The following CDH19 variants were observed in gnomAD, a reference collection of about 807,000 sequenced individuals.
The protein encoded by CDH19 is cadherin 19.
In CDH19, 67 loss-of-function variants were observed where a neutral mutation model predicts 64.2. The ratio of observed to expected loss-of-function variants is 1.04; its 90% confidence interval spans 0.86 to 1.28. CDH19 has a LOEUF of 1.28. Among genes scored for constraint, CDH19 ranks in the 50% most tolerant of loss-of-function variants. The pLI is 0.00. For synonymous variants in CDH19, 346 were observed against 319.3 expected, an observed-to-expected ratio of 1.08 and a Z score of -0.89; for missense variants, 1,030 against 929.0, an observed-to-expected ratio of 1.11 and a Z score of -1.41.
At chr18:66,548,738 G>A (rs1382989690) in intron 5 of CDH19, among the ~76,000 whole-genome samples, 1 of 152,112 alleles carries the variant, frequency 6.6e-6, no homozygotes, top group Non-Finnish European at 1.5e-5. Flanking sequence ...TTTTGAGGTC[G>A]TTAATTGGAA....
At chr18:66,578,508 T>A (rs1396189959) in intron 1 of CDH19, among the ~76,000 whole-genome samples, 3 of 151,858 alleles carry the variant, frequency 2.0e-5, no homozygotes, top group Non-Finnish European at 4.4e-5. Context: ...CAACTGTACC[T>A]CTCATACACT....
chr18:66,560,178 C>T (rs1235688631), intron 3 of CDH19, among the ~76,000 whole-genome samples: 1 of 152,026 alleles, frequency 6.6e-6, no homozygotes, highest in Non-Finnish European at 1.5e-5. Flanking sequence ...AACGAGCAAA[C>T]GCCTAGGACA....
chr18:66,541,920 G>GTA (rs1986902150), intron 7 of CDH19, among the ~76,000 whole-genome samples: 1 of 152,050 alleles, frequency 6.6e-6, no homozygotes, highest in South Asian at 2.1e-4. Flanking sequence ...TTCACATGTA[G>GTA]TAAGCATGCA....
At chr18:66,545,108 A>G (rs749736436) in intron 5 of CDH19, among the ~76,000 whole-genome samples, 1 of 151,850 alleles carries the variant, frequency 6.6e-6, no homozygotes, top group Non-Finnish European at 1.5e-5. Flanking sequence ...CCTACTGAGT[A>G]GCTGGGTCTA....
In CDH19 at chr18:66,598,010, G is replaced by A. The variant is rs192310849; in HGVS notation, c.-113+5944C>T. ...TACATATGTAACAAATCTGCACGTGGTGCACATGTACCCTAGAACTTACAG... is the reference window on the plus strand; with the variant it reads ...TACATATGTAACAAATCTGCACGTGATGCACATGTACCCTAGAACTTACAG... On this transcript the variant is annotated intron_variant, in intron 1 of 11. Coordinates refer to ENST00000262150, the MANE Select transcript of CDH19 (RefSeq NM_021153.4). Among the ~76,000 whole-genome samples the A allele has an allele frequency of 2.6e-5, 4 of 152,098 alleles. No individual in the cohort carries two copies. In the East Asian group the frequency reaches 7.7e-4, roughly 29 times the overall value.
intron 10 of CDH19, among the ~76,000 whole-genome samples, chr18:66,510,507 T>C (rs952136717): frequency 1.4e-5 from 2 of 147,562 alleles, no homozygotes; most frequent in Admixed American, 6.8e-5. Context: ...TTAATATATG[T>C]ATTTTAAAAT....
At chr18:66,510,785 C>A (rs990726294) in intron 10 of CDH19, among the ~76,000 whole-genome samples, 1 of 151,286 alleles carries the variant, frequency 6.6e-6, no homozygotes. Context: ...GCAAAACAGA[C>A]AGAAAGGTGT....
intron 9 of CDH19, among the ~76,000 whole-genome samples, chr18:66,525,535 A>G (rs1986188419): frequency 6.6e-6 from 1 of 152,156 alleles, no homozygotes; most frequent in African/African-American, 2.4e-5. Flanking sequence ...ATTTCAAATC[A>G]GAAATCTCAA....
Position 66,544,800 on chromosome 18 carries a change from G to A in CDH19, c.879C>T (p.Tyr293=). 6.2e-7 allele frequency: 1 copy of A among 1,612,068 alleles called. No individual in the cohort carries two copies. ...TTTGCGAATCATCCTCTTCAATGCT[G>A]TAATCCATTTCTGCATTCTCTCCTA... ...NDIGENAEMD[Y]SIEEDDSQTF... is the part of the protein sequence containing the mutation. Residue 293 remains tyrosine (Y), a synonymous_variant, in exon 6 of 12, where the codon TAC becomes TAT. Coordinates refer to ENST00000262150, the MANE Select transcript of CDH19 (RefSeq NM_021153.4).
At position 66,544,824 on chromosome 18, in the gene CDH19, T is replaced by C. The variant is rs750871203; in HGVS notation, c.855A>G (p.Ile285Met). ...TGTAATCCATTTCTGCATTCTCTCC[T>C]ATGTCATTATCATATGCCATGATTG... ...IGTIMAYDND[I>M]GENAEMDYSI... Residue 285 changes from isoleucine to methionine, a missense_variant, in exon 6 of 12, where the codon ATA becomes ATG. Physicochemically the swap from Ile to Met is conservative, Grantham distance 10 (BLOSUM62 1). Transcript: ENST00000262150. 6.2e-7 allele frequency: 1 copy of C among 1,612,324 alleles called. No homozygotes were observed. The highest frequency in any genetic ancestry group is 8.5e-7 in the Non-Finnish European group (1 of 1,178,454).
chr18:66,579,172 ACTTGTCAAAAC>A (rs1332486051), intron 1 of CDH19, among the ~76,000 whole-genome samples: 1 of 151,976 alleles, frequency 6.6e-6, no homozygotes, highest in African/African-American at 2.4e-5. Flanking sequence ...AAAAATCTTG[ACTTGTCAAAAC>A]CTAGAAAAAC....
At chr18:66,557,247 T>A (rs1987551994) in intron 3 of CDH19, among the ~76,000 whole-genome samples, 1 of 151,944 alleles carries the variant, frequency 6.6e-6, no homozygotes, top group South Asian at 2.1e-4. Context: ...CTCAGTAACC[T>A]ACTGTACACC....
intron 1 of CDH19, among the ~76,000 whole-genome samples, chr18:66,598,340 C>A (rs1283313261): frequency 4.6e-5 from 7 of 152,014 alleles, no homozygotes; most frequent in Non-Finnish European, 1.0e-4. Flanking sequence ...GGATTATTAA[C>A]TATATATTTG....
rs71169160 is a variant in CDH19 at position 66,597,162 on chromosome 18, T to TAAAAAAAAAAAAAAA, written c.-113+6777_-113+6791dup. ...CCAAAGAGCCAAAGCAATCTTAAGT[T>TAAAAAAAAAAAAAAA]AAAAAAAAAAAAAAAAAGCTGGAAG... is the stretch of plus-strand genomic sequence containing the variant. On this transcript the variant is annotated intron_variant, in intron 1 of 11. Transcript: ENST00000262150. Among the ~76,000 whole-genome samples the TAAAAAAAAAAAAAAA allele has an allele frequency of 1.4e-3, 124 of 86,218 alleles. 1 individual carries two copies. Among genetic ancestry groups the TAAAAAAAAAAAAAAA allele is most frequent in the East Asian group, 1.7e-3 (5 of 2,876 alleles). 56.6% of individuals were successfully genotyped at this position (86,218 alleles called of 152,430 possible). A position where few individuals can be genotyped will look rare whatever the true frequency, so the allele number is the denominator to read the frequency against.
At chr18:66,541,290 T>A (rs1284725562) in intron 7 of CDH19, among the ~76,000 whole-genome samples, 1 of 152,142 alleles carries the variant, frequency 6.6e-6, no homozygotes, top group Non-Finnish European at 1.5e-5. Flanking sequence ...TTAATATGTG[T>A]TAGTGTTTCT....
At chr18:66,521,889 G>C (rs1405803007) in intron 9 of CDH19, among the ~76,000 whole-genome samples, 1 of 150,310 alleles carries the variant, frequency 6.7e-6, no homozygotes, top group Non-Finnish European at 1.5e-5. Context: ...CTGCCAAAAA[G>C]TTACAGGGTT....
At chr18:66,522,440 G>A (rs1305128141) in intron 9 of CDH19, among the ~76,000 whole-genome samples, 1 of 151,928 alleles carries the variant, frequency 6.6e-6, no homozygotes, top group African/African-American at 2.4e-5. Flanking sequence ...AGTAGAGACG[G>A]GGGTGCGCCA....
At chr18:66,521,664 T>C (rs1286663631) in intron 9 of CDH19, among the ~76,000 whole-genome samples, 5 of 151,646 alleles carry the variant, frequency 3.3e-5, no homozygotes, top group African/African-American at 1.2e-4. Context: ...GCATCCTTGG[T>C]AGCTGGTTCT....
At chr18:66,548,387 G>A (rs1021404465) in intron 5 of CDH19, among the ~76,000 whole-genome samples, 2 of 150,918 alleles carry the variant, frequency 1.3e-5, no homozygotes, top group African/African-American at 2.4e-5. Flanking sequence ...AGGTGGTTAT[G>A]TAAAGCCACG....
Sources: allele counts gnomAD v4.1 joint callset (sites outside exome capture counted in the v4.1 genomes callset), GRCh38; gene constraint gnomAD v4.1.1; transcripts MANE v1.5; gene names NCBI Gene and HGNC (gene_info 2026-07-23, HGNC 2026-07-21).